LRRTM4: variants seen among roughly 807,000 people sequenced by gnomAD.
The protein encoded by LRRTM4 is leucine-rich repeat transmembrane neuronal protein 4.
Under a neutral mutation model 47.6 loss-of-function variants are expected in LRRTM4, and 25 were observed. That is an observed-to-expected ratio of 0.53 (90% CI 0.38 to 0.73). The LOEUF (loss-of-function observed/expected upper bound fraction) is 0.73, where lower values mean the gene tolerates loss of function less well. Ranked by LOEUF, LRRTM4 falls within the 30% of genes least tolerant of loss-of-function variation. The pLI, the probability that LRRTM4 is intolerant of heterozygous loss-of-function variation, is 0.00. For synonymous variants in LRRTM4, 311 were observed against 269.5 expected (o/e 1.15, Z -1.51); for missense variants, 638 against 713.4 (o/e 0.89, Z 1.20).
In LRRTM4 at chr2:76,748,827, G is replaced by A; in HGVS notation, c.1641C>T (p.Thr547=). ...CTGGAGACACTGTCTCATAGCCCTT[G>A]GTGACATGGAGTGGCTGGTGGGCCT... ...YCQAHQPLHV[T]KGYETVSPEQ... Residue 547 remains threonine (T), a synonymous_variant, in exon 4 of 4, where the codon ACC becomes ACT. Transcript: ENST00000409884. 6.2e-7 allele frequency: 1 copy of A among 1,614,024 alleles called. No individual in the cohort carries two copies. The highest frequency in any genetic ancestry group is 8.5e-7 in the Non-Finnish European group (1 of 1,179,890).
intron 3 of LRRTM4, among the ~76,000 whole-genome samples, chr2:77,299,876 C>T (rs115810141): frequency 0.047 from 5,148 of 109,614 alleles, 317 homozygotes; most frequent in African/African-American, 0.18. Flanking sequence ...TTTTTTGAGA[C>T]GGGGTCTCGT....
intron 3 of LRRTM4, among the ~76,000 whole-genome samples, chr2:77,062,598 C>T (rs1679821993): frequency 6.6e-6 from 1 of 152,192 alleles, no homozygotes; most frequent in African/African-American, 2.4e-5. Context: ...AGTGATTATA[C>T]TGATACTTTA....
At chr2:76,816,714 C>A (rs528921260) in intron 3 of LRRTM4, among the ~76,000 whole-genome samples, 1 of 151,170 alleles carries the variant, frequency 6.6e-6, no homozygotes, top group Non-Finnish European at 1.5e-5. Flanking sequence ...CAGCTGATGA[C>A]ACTATTCAGA....
chr2:76,881,313 T>G (rs1672921950), intron 3 of LRRTM4, among the ~76,000 whole-genome samples: 1 of 152,128 alleles, frequency 6.6e-6, no homozygotes, highest in African/African-American at 2.4e-5. Flanking sequence ...ATTCAACAAT[T>G]CACAGAATTT....
chr2:77,195,324 C>T (rs1264198583), intron 3 of LRRTM4, among the ~76,000 whole-genome samples: 1 of 151,664 alleles, frequency 6.6e-6, no homozygotes, highest in Admixed American at 6.6e-5. Context: ...ATAGATTTTT[C>T]TTTGGCACTG....
At chr2:77,091,094 C>T (rs1306364165) in intron 3 of LRRTM4, among the ~76,000 whole-genome samples, 1 of 152,018 alleles carries the variant, frequency 6.6e-6, no homozygotes, top group Non-Finnish European at 1.5e-5. Flanking sequence ...TATAAGCACT[C>T]CTTTTTAGTT....
At chr2:77,139,023 C>A (rs1475027447) in intron 3 of LRRTM4, among the ~76,000 whole-genome samples, 2 of 152,114 alleles carry the variant, frequency 1.3e-5, no homozygotes, top group African/African-American at 4.8e-5. Flanking sequence ...GATGGATTCA[C>A]AGACAAATTC....
chr2:76,993,006 G>T (rs116661506), intron 3 of LRRTM4, among the ~76,000 whole-genome samples: 1 of 151,620 alleles, frequency 6.6e-6, no homozygotes, highest in East Asian at 1.9e-4. Flanking sequence ...GAATTCAACC[G>T]AAATAAGCAG....
rs143623962 is a variant in LRRTM4 at position 77,055,116 on chromosome 2, C to T, written c.1552-306200G>A. On this transcript the variant is annotated intron_variant, in intron 3 of 3. Transcript: ENST00000409884. ...ATACTGACTCCGCTACTTAGAGTTA[C>T]CACAACCCACACAGAAAAGGAGCTG... Among the ~76,000 whole-genome samples the T allele has an allele frequency of 8.9e-4, 135 of 152,256 alleles. 1 individual carries two copies. The Middle Eastern group carries it at 0.01, about 12-fold the overall frequency.
intron 3 of LRRTM4, among the ~76,000 whole-genome samples, chr2:76,888,007 GGT>G (rs1673131332): frequency 6.7e-6 from 1 of 149,832 alleles, no homozygotes; most frequent in Non-Finnish European, 1.5e-5. Flanking sequence ...ATCTGTAAAT[GGT>G]GTGTCCATCT....
chr2:76,763,883 T>G (rs867303110), intron 3 of LRRTM4, among the ~76,000 whole-genome samples: 2 of 152,184 alleles, frequency 1.3e-5, no homozygotes, highest in Non-Finnish European at 2.9e-5. Flanking sequence ...ACCCACTAGA[T>G]GTATTATATA....
intron 3 of LRRTM4, among the ~76,000 whole-genome samples, chr2:77,445,512 C>T (rs1676018041): frequency 6.6e-6 from 1 of 151,874 alleles, no homozygotes. Flanking sequence ...AAGCTTTCTC[C>T]TTAATCTTCA....
At chr2:77,218,115 C>T (rs1360105845) in intron 3 of LRRTM4, among the ~76,000 whole-genome samples, 1 of 152,196 alleles carries the variant, frequency 6.6e-6, no homozygotes, top group Non-Finnish European at 1.5e-5. Context: ...CTGCCTCAGC[C>T]TCCCCAGTAG....
At chr2:76,938,521 T>C (rs947385507) in intron 3 of LRRTM4, among the ~76,000 whole-genome samples, 5 of 152,140 alleles carry the variant, frequency 3.3e-5, no homozygotes, top group African/African-American at 1.2e-4. Context: ...TTTTGGGAAA[T>C]GTGATTTCAC....
Position 77,160,489 on chromosome 2 carries a change from A to G in LRRTM4, c.1551+357829T>C, listed in dbSNP as rs1205349813. On this transcript the variant is annotated intron_variant, in intron 3 of 3. Transcript: ENST00000409884. ...TATAGATTCCATATAGCCAAAGGAC[A>G]TTGTTTAATATTTAAAAAAAAAAAC... Among the ~76,000 whole-genome samples, 20 of 132,476 alleles carry G rather than the reference A, an allele frequency of 1.5e-4. No individual in the cohort carries two copies. In the Admixed American group the frequency reaches 1.7e-3, roughly 12 times the overall value. 86.9% of individuals were successfully genotyped at this position (132,476 alleles called of 152,430 possible).
At chr2:76,873,929 A>G (rs1215593811) in intron 3 of LRRTM4, among the ~76,000 whole-genome samples, 1 of 151,922 alleles carries the variant, frequency 6.6e-6, no homozygotes. Flanking sequence ...GAAATTTTAT[A>G]AAGTTAATTT....
chr2:76,870,104 A>G (rs1305639182), intron 3 of LRRTM4, among the ~76,000 whole-genome samples: 1 of 152,176 alleles, frequency 6.6e-6, no homozygotes, highest in East Asian at 1.9e-4. Flanking sequence ...AATGCTTACC[A>G]GTAGCCAGGA....
intron 3 of LRRTM4, among the ~76,000 whole-genome samples, chr2:77,036,887 C>T (rs760123880): frequency 2.0e-5 from 3 of 151,686 alleles, no homozygotes; most frequent in Admixed American, 6.6e-5. Context: ...TCAAGAAAGA[C>T]ATATAGATTA....
chr2:77,350,277 G>C (rs1372005196), intron 3 of LRRTM4, among the ~76,000 whole-genome samples: 8 of 120,874 alleles, frequency 6.6e-5, no homozygotes, highest in African/African-American at 2.1e-4. Flanking sequence ...AGTGAGCCGA[G>C]ATTGCGCCAC....
Sources: gnomAD v4.1 joint callset for allele counts (sites outside exome capture counted in the v4.1 genomes callset) on GRCh38, gnomAD v4.1.1 for gene constraint, MANE v1.5 for transcripts, NCBI Gene and HGNC (gene_info 2026-07-23, HGNC 2026-07-21) for gene names.